The following TRDN variants were observed in gnomAD, a reference collection of about 807,000 sequenced individuals.
The protein encoded by TRDN is triadin in skeletal muscle.
A neutral mutation model predicts 149.7 loss-of-function variants in TRDN; 161 were observed. The ratio of observed to expected loss-of-function variants is 1.08; its 90% CI spans 0.95 to 1.23. The LOEUF (loss-of-function observed/expected upper bound fraction) is 1.23, where lower values mean the gene tolerates loss of function less well. Ranked by LOEUF, TRDN falls within the 50% of genes most tolerant of loss-of-function variation. The pLI is 0.00. For missense variants in TRDN, 896 were observed against 823.5 expected (o/e 1.09, Z -1.08); for synonymous variants, 294 against 250.5 (o/e 1.17, Z -1.64).
intron 9 of TRDN, among the ~76,000 whole-genome samples, chr6:123,466,190 C>T (rs942395367): frequency 1.3e-5 from 2 of 152,098 alleles, no homozygotes; most frequent in Admixed American, 1.3e-4. Context: ...TAAAGATTGA[C>T]TTAAACATAA....
intron 31 of TRDN, among the ~76,000 whole-genome samples, chr6:123,269,641 G>A (rs1361161215): frequency 1.3e-5 from 2 of 151,738 alleles, no homozygotes; most frequent in Admixed American, 1.3e-4. Flanking sequence ...TTGGTAGATT[G>A]ATTTAACAAG....
chr6:123,296,996 T>A (rs975895171), intron 24 of TRDN, among the ~76,000 whole-genome samples: 63 of 152,112 alleles, frequency 4.1e-4, no homozygotes, highest in Non-Finnish European at 2.1e-4. Context: ...TATGGTGTTT[T>A]TTATTTTTAA....
At chr6:123,357,844 C>T (rs190483697) in intron 20 of TRDN, among the ~76,000 whole-genome samples, 384 of 152,252 alleles carry the variant, frequency 2.5e-3, no homozygotes, top group African/African-American at 8.8e-3. Context: ...TAATTTCTGG[C>T]ACACATATTA....
chr6:123,429,770 TTTTA>T (rs1774258289), intron 12 of TRDN, among the ~76,000 whole-genome samples: 8 of 152,352 alleles, frequency 5.3e-5, no homozygotes, highest in Admixed American at 2.6e-4. Context: ...AATTACATTA[TTTTA>T]TTTAACTTTT....
At chr6:123,628,969 T>C (rs1785821336) in intron 1 of TRDN, among the ~76,000 whole-genome samples, 1 of 152,140 alleles carries the variant, frequency 6.6e-6, no homozygotes, top group South Asian at 2.1e-4. Context: ...ATGCCTAATA[T>C]TTCTGCAGAT....
At chr6:123,330,494 C>T (rs1044368963) in intron 23 of TRDN, among the ~76,000 whole-genome samples, 15 of 151,948 alleles carry the variant, frequency 9.9e-5, no homozygotes, top group African/African-American at 3.6e-4. Context: ...TACTAATTTA[C>T]ATATCGTGTC....
intron 10 of TRDN, among the ~76,000 whole-genome samples, chr6:123,449,188 T>C (rs554279961): frequency 5.3e-4 from 81 of 152,038 alleles, no homozygotes; most frequent in Non-Finnish European, 1.1e-3. Flanking sequence ...AAAATCATAC[T>C]AGTTCACCAG....
At chr6:123,281,955 C>T (rs187870383) in intron 24 of TRDN, among the ~76,000 whole-genome samples, 40 of 151,986 alleles carry the variant, frequency 2.6e-4, no homozygotes, top group African/African-American at 8.7e-4. Flanking sequence ...ATGAATGTGC[C>T]TTGTGTGGAA....
At chr6:123,259,527 C>A (rs1044010914) in intron 35 of TRDN, 97 bp downstream of exon 35, 2 of 788,524 alleles carry the variant, frequency 2.5e-6, no homozygotes, top group Non-Finnish European at 4.1e-6. Context: ...TCATTTTCAT[C>A]AACTGTTTTT....
At chr6:123,534,480 C>T (rs1319639075) in intron 4 of TRDN, among the ~76,000 whole-genome samples, 1 of 152,120 alleles carries the variant, frequency 6.6e-6, no homozygotes, top group Non-Finnish European at 1.5e-5. Context: ...CCAGTTCTGT[C>T]TCCTTACACT....
intron 12 of TRDN, among the ~76,000 whole-genome samples, chr6:123,409,357 G>T (rs984164940): frequency 6.6e-6 from 1 of 152,194 alleles, no homozygotes; most frequent in East Asian, 1.9e-4. Context: ...ATATGGATTA[G>T]TGAAAAGAAC....
At chr6:123,394,483 G>T (rs537071509) in intron 12 of TRDN, among the ~76,000 whole-genome samples, 7 of 152,138 alleles carry the variant, frequency 4.6e-5, no homozygotes, top group South Asian at 2.1e-4. Flanking sequence ...GTAAGATTGG[G>T]TCATTTGTTT....
At chr6:123,461,045 G>C (rs963993504) in intron 10 of TRDN, among the ~76,000 whole-genome samples, 2 of 152,084 alleles carry the variant, frequency 1.3e-5, no homozygotes, top group African/African-American at 2.4e-5. Flanking sequence ...TAACCACTGG[G>C]CAAAGCTATG....
At chr6:123,455,193 T>C (rs1369102654) in intron 10 of TRDN, among the ~76,000 whole-genome samples, 2 of 152,336 alleles carry the variant, frequency 1.3e-5, no homozygotes, top group East Asian at 3.9e-4. Flanking sequence ...GAAAGATTAT[T>C]CAATACATTT....
At chr6:123,520,621 G>A (rs753986330) in intron 5 of TRDN, among the ~76,000 whole-genome samples, 4 of 152,166 alleles carry the variant, frequency 2.6e-5, no homozygotes, top group African/African-American at 4.8e-5. Context: ...ACCCAAAGTT[G>A]TAAAGCTAAT....
intron 9 of TRDN, among the ~76,000 whole-genome samples, chr6:123,475,167 T>C (rs1777406466): frequency 6.7e-6 from 1 of 150,298 alleles, no homozygotes; most frequent in South Asian, 2.1e-4. Context: ...CTAGCAAGAC[T>C]AATAAAGAAA....
At chr6:123,548,665 T>A (rs1583224997) in intron 2 of TRDN, 53 bp from the exon 3 acceptor site, 2 of 1,284,648 alleles carry the variant, frequency 1.6e-6, no homozygotes, top group Non-Finnish European at 9.9e-7. Context: ...CATTTCCAAA[T>A]AACTTAAGAA....
Position 123,223,692 on chromosome 6 carries a change from C to CCTTA in TRDN, c.2014+400_2014+401insTAAG, listed in dbSNP as rs1484058878. Among the ~76,000 whole-genome samples the CCTTA allele has an allele frequency of 1.1e-3, 156 of 140,618 alleles. 2 individuals carry two copies. Among genetic ancestry groups the CCTTA allele is most frequent in the African/African-American group, 4.3e-3 (151 of 34,772 alleles). 92.3% of individuals were successfully genotyped at this position (140,618 alleles called of 152,430 possible). A position where few individuals can be genotyped will look rare whatever the true frequency, so the allele number is the denominator to read the frequency against. ...CCATTTCTTCCTTCCTTCCTTCCTT[C>CCTTA]CTTCCTTCCTTCCTTCCTTCCTTCC... On this transcript the variant is annotated intron_variant, in intron 39 of 40. Transcript: ENST00000334268.
intron 19 of TRDN, among the ~76,000 whole-genome samples, chr6:123,372,546 T>C (rs1781361785): frequency 6.6e-6 from 1 of 152,068 alleles, no homozygotes; most frequent in Non-Finnish European, 1.5e-5. Flanking sequence ...TGGCTGACCA[T>C]GCATATGGAA....
Sources: gnomAD v4.1 joint callset for allele counts (sites outside exome capture counted in the v4.1 genomes callset) on GRCh38, gnomAD v4.1.1 for gene constraint, MANE v1.5 for transcripts, NCBI Gene and HGNC (gene_info 2026-07-23, HGNC 2026-07-21) for gene names.